Variants in L3MBTL4 observed in about 807,000 individuals in gnomAD.
The protein encoded by L3MBTL4 is lethal(3)malignant brain tumor-like protein 4.
Under a neutral mutation model 84.5 loss-of-function variants are expected in L3MBTL4, and 70 were observed. The observed-to-expected ratio is 0.83, with a 90% CI of 0.68 to 1.01. The LOEUF is 1.01. L3MBTL4 is among the 50% of genes least tolerant of loss of function. The pLI is 0.00. For missense variants in L3MBTL4, 715 were observed against 754.8 expected, an observed-to-expected ratio of 0.95 and a Z score of 0.62; for synonymous variants, 274 against 259.8, an observed-to-expected ratio of 1.05 and a Z score of -0.52.
intron 1 of L3MBTL4, among the ~76,000 whole-genome samples, chr18:6,318,006 A>G (rs2051197748): frequency 6.6e-6 from 1 of 152,170 alleles, no homozygotes; most frequent in African/African-American, 2.4e-5. Flanking sequence ...GCAAAACTAA[A>G]TTTCAAAATG....
chr18:6,197,789 G>C (rs2045471756), intron 12 of L3MBTL4, among the ~76,000 whole-genome samples: 1 of 152,132 alleles, frequency 6.6e-6, no homozygotes, highest in Non-Finnish European at 1.5e-5. Context: ...ACTTAGCCAA[G>C]GTTCCTGCCA....
intron 1 of L3MBTL4, among the ~76,000 whole-genome samples, chr18:6,352,238 A>G (rs985393409): frequency 2.6e-5 from 4 of 152,190 alleles, no homozygotes; most frequent in African/African-American, 9.7e-5. Flanking sequence ...CCAACACATC[A>G]TGATCATTTC....
intron 16 of L3MBTL4, among the ~76,000 whole-genome samples, chr18:6,051,792 C>T (rs557844400): frequency 6.6e-6 from 1 of 152,108 alleles, no homozygotes; most frequent in Admixed American, 6.5e-5. Context: ...GCTGTGTTCA[C>T]GGACCCCGGC....
At chr18:6,144,196 C>CAAAAAA (rs35746580) in intron 13 of L3MBTL4, among the ~76,000 whole-genome samples, 1,320 of 57,872 alleles carry the variant, frequency 0.023, 86 homozygotes, top group African/African-American at 0.04. Context: ...ACTCCATCTC[C>CAAAAAA]AAAAAAAAAA....
intron 3 of L3MBTL4, among the ~76,000 whole-genome samples, chr18:6,307,335 G>T (rs1451810308): frequency 6.6e-6 from 1 of 151,668 alleles, no homozygotes; most frequent in East Asian, 1.9e-4. Context: ...TACTCGGGAG[G>T]CTGAGGCAAG....
intron 12 of L3MBTL4, among the ~76,000 whole-genome samples, chr18:6,173,077 G>A (rs2044053702): frequency 1.3e-5 from 2 of 152,162 alleles, no homozygotes; most frequent in Admixed American, 1.3e-4. Context: ...TCTAAAGGTA[G>A]AGCCTAACAC....
chr18:6,367,025 C>T (rs1230493668), intron 1 of L3MBTL4, among the ~76,000 whole-genome samples: 1 of 152,194 alleles, frequency 6.6e-6, no homozygotes. Flanking sequence ...TAGGAAAGCC[C>T]ACAGCAGGTG....
chr18:5,966,066 G>A (rs1290982917), intron 17 of L3MBTL4, among the ~76,000 whole-genome samples: 1 of 152,152 alleles, frequency 6.6e-6, no homozygotes, highest in African/African-American at 2.4e-5. Flanking sequence ...CTTCCTAACA[G>A]CTTCTCTTTC....
intron 1 of L3MBTL4, among the ~76,000 whole-genome samples, chr18:6,388,287 GAAGAAAAAC>G (rs1404333141): frequency 6.6e-6 from 1 of 152,256 alleles, no homozygotes; most frequent in East Asian, 1.9e-4. Context: ...CATTATTTGA[GAAGAAAAAC>G]ATGAAAAAAT....
intron 16 of L3MBTL4, chr18:6,030,446 T>A (rs2055733929): frequency 2.0e-6 from 2 of 983,572 alleles, no homozygotes; most frequent in African/African-American, 3.5e-5. Flanking sequence ...CAGGTATTAA[T>A]TTGCATTGCT....
At chr18:6,173,394 T>C (rs1217106181) in intron 12 of L3MBTL4, among the ~76,000 whole-genome samples, 3 of 152,104 alleles carry the variant, frequency 2.0e-5, no homozygotes, top group Non-Finnish European at 2.9e-5. Context: ...AAAGCAGTTA[T>C]GCAGTCAGAG....
At chr18:6,003,104 TATAGAGATACTATATAAA>T in intron 16 of L3MBTL4, among the ~76,000 whole-genome samples, 4 of 101,938 alleles carry the variant, frequency 3.9e-5, no homozygotes, top group African/African-American at 1.2e-4. Context: ...TATCTCTATT[TATAGAGATACTATATAAA>T]ATATAGTATC....
chr18:6,199,472 G>T (rs2145633703), intron 12 of L3MBTL4, among the ~76,000 whole-genome samples: 1 of 152,302 alleles, frequency 6.6e-6, no homozygotes, highest in East Asian at 1.9e-4. Flanking sequence ...GTCACTGCAG[G>T]AAGTTCTGCT....
At chr18:6,317,143 G>A (rs1243384613) in intron 1 of L3MBTL4, among the ~76,000 whole-genome samples, 7 of 151,996 alleles carry the variant, frequency 4.6e-5, no homozygotes, top group Non-Finnish European at 1.0e-4. Context: ...AGGCGTCTGG[G>A]AAAGCCACAA....
chr18:6,018,634 T>C (rs1280972395), intron 16 of L3MBTL4, among the ~76,000 whole-genome samples: 1 of 152,212 alleles, frequency 6.6e-6, no homozygotes, highest in Non-Finnish European at 1.5e-5. Flanking sequence ...CCATTTCCGC[T>C]CTACTCTGAA....
At chr18:6,284,170 G>C (rs1236754532) in intron 4 of L3MBTL4, among the ~76,000 whole-genome samples, 1 of 152,186 alleles carries the variant, frequency 6.6e-6, no homozygotes, top group Non-Finnish European at 1.5e-5. Flanking sequence ...TAAGATTCCA[G>C]GAGTGAACAT....
At chr18:6,183,778 T>C (rs945265059) in intron 12 of L3MBTL4, among the ~76,000 whole-genome samples, 1 of 152,172 alleles carries the variant, frequency 6.6e-6, no homozygotes, top group Admixed American at 6.5e-5. Flanking sequence ...GTAGGCGGAC[T>C]CCAGGACTAA....
chr18:5,989,277 T>C (rs547667588), intron 16 of L3MBTL4, among the ~76,000 whole-genome samples: 1 of 152,324 alleles, frequency 6.6e-6, no homozygotes, highest in African/African-American at 2.4e-5. Context: ...CAATCATGTA[T>C]GTGACCAAAC....
In L3MBTL4 at chr18:6,243,269, A is replaced by G. The variant is rs1346283857; in HGVS notation, c.460+25T>C. 2.0e-6 allele frequency: 3 copies of G among 1,491,046 alleles called. No homozygotes were observed. In the Admixed American group the frequency reaches 7.3e-5, roughly 36 times the overall value. 92.4% of individuals were successfully genotyped at this position (1,491,046 alleles called of 1,614,324 possible). A position where few individuals can be genotyped will look rare whatever the true frequency, so the allele number is the denominator to read the frequency against. On this transcript the variant is annotated intron_variant, in intron 7 of 18. Coordinates refer to ENST00000317931, the MANE Select transcript of L3MBTL4 (RefSeq NM_001330559.2). ...TGAAATACCAATTGATTCTCTTTCC[A>G]GTTGGTAAATGTATCCTGGCTTACC...
Sources: gnomAD v4.1 joint callset for allele counts (sites outside exome capture counted in the v4.1 genomes callset) on GRCh38, gnomAD v4.1.1 for gene constraint, MANE v1.5 for transcripts, NCBI Gene and HGNC (gene_info 2026-07-23, HGNC 2026-07-21) for gene names.